WDR3: variants seen among roughly 807,000 people sequenced by gnomAD.
WDR3 encodes the protein WD repeat domain 3.
A neutral mutation model predicts 123.7 loss-of-function variants in WDR3; 81 were observed. The ratio of observed to expected loss-of-function variants is 0.65; its 90% CI spans 0.55 to 0.79. The LOEUF is 0.79. Among genes scored for constraint, WDR3 ranks in the 30% least tolerant of loss-of-function variants. The probability of loss-of-function intolerance (pLI) is 0.00; values close to 1 mark genes in which losing one functional copy is unlikely to be tolerated. For synonymous variants in WDR3, 390 were observed against 388.8 expected (o/e 1.00, Z -0.04); for missense variants, 1,027 against 1,123.2 (o/e 0.91, Z 1.22).
At chr1:117,959,052 G>C in intron 26 of WDR3, 49 bp downstream of exon 26, 1 of 1,561,306 alleles carries the variant, frequency 6.4e-7, no homozygotes, top group South Asian at 1.1e-5. Flanking sequence ...TTCCTAGTGT[G>C]ATTTAGAAAT....
chr1:117,954,023 AG>A lies in WDR3; in HGVS notation c.2287del (p.Ala763LeufsTer12). 6.2e-7 allele frequency: 1 copy of A among 1,611,698 alleles called. No individual in the cohort carries two copies. The highest frequency in any genetic ancestry group is 8.5e-7 in the Non-Finnish European group (1 of 1,178,606). ...CCTCTGTAGGCTGAGAGGATTATGG[AG>A]GCTATTGAGTTGTACCGAGAAGAAA... ...ETVKAAERIM[E>X]AIELYREETA... On this transcript the variant is annotated frameshift_variant, in exon 22 of 27. Coordinates refer to ENST00000349139, the MANE Select transcript of WDR3 (RefSeq NM_006784.3). LOFTEE classifies it high-confidence loss of function.
At chr1:117,954,342 A>G (rs933233358) in intron 22 of WDR3, among the ~76,000 whole-genome samples, 10 of 152,098 alleles carry the variant, frequency 6.6e-5, no homozygotes, top group East Asian at 3.8e-4. Context: ...CCCACGTTCT[A>G]TGTTGGTTTG....
intron 1 of WDR3, among the ~76,000 whole-genome samples, chr1:117,932,442 T>G (rs997705688): frequency 6.6e-6 from 1 of 152,222 alleles, no homozygotes; most frequent in African/African-American, 2.4e-5. Context: ...AGAGATGAGA[T>G]GGTGTTTTCT....
At position 117,964,202 on chromosome 1, in the gene WDR3, C is replaced by A; in HGVS notation, c.*4755C>A. 1 of 268,474 alleles carries A rather than the reference C, an allele frequency of 3.7e-6. No homozygotes were observed. The highest frequency in any genetic ancestry group is 7.1e-6 in the Non-Finnish European group (1 of 139,908). 16.6% of individuals were successfully genotyped at this position (268,474 alleles called of 1,614,324 possible). The stretch of plus-strand genomic sequence containing the variant: ...TTCTATAAGGAGCCATCAGTATGGT[C>A]AAGCCCCAAACCATATCTACATCAG... On this transcript the variant is annotated 3_prime_UTR_variant, in exon 27 of 27. Transcript: ENST00000349139.
intron 10 of WDR3, 114 bp downstream of exon 10, chr1:117,942,658 T>C: frequency 1.1e-6 from 1 of 876,126 alleles, no homozygotes; most frequent in Non-Finnish European, 1.8e-6. Flanking sequence ...GAGACGGTGG[T>C]CATGAGACAT....
chr1:117,953,035 T>G, intron 20 of WDR3, 39 bp downstream of exon 20: 1 of 1,594,854 alleles, frequency 6.3e-7, no homozygotes, highest in Non-Finnish European at 8.6e-7. Flanking sequence ...ATGCCCCATA[T>G]ATAGTTATCT....
Position 117,963,950 on chromosome 1 carries a change from G to T in WDR3, c.*4503G>T, listed in dbSNP as rs1653465545. 6.2e-7 allele frequency: 1 copy of T among 1,610,026 alleles called. No individual in the cohort carries two copies. The highest frequency in any genetic ancestry group is 8.5e-7 in the Non-Finnish European group (1 of 1,178,146). On this transcript the variant is annotated 3_prime_UTR_variant, in exon 27 of 27. Transcript: ENST00000349139. ...GCTTGTTAAAACAGGTAAAATACTT[G>T]TTAAGGGCTGTGCTTTTCATGACTA...
rs1354880434 is a variant in WDR3 at position 117,966,326 on chromosome 1, A to G, written c.*6879A>G. 1 of 253,462 alleles carries G rather than the reference A, an allele frequency of 3.9e-6. No individual in the cohort carries two copies. The highest frequency in any genetic ancestry group is 2.2e-5 in the African/African-American group (1 of 45,064). The allele number at this position is 253,462 out of a possible 1,614,324, so 15.7% of individuals were successfully genotyped here. On this transcript the variant is annotated 3_prime_UTR_variant, in exon 27 of 27. Coordinates refer to ENST00000349139, the MANE Select transcript of WDR3 (RefSeq NM_006784.3). ...TAAAATTATAATTTTTTTGTGATAG[A>G]TACTTGCTGTTTTATTATTCTGTCT...
At chr1:117,951,439 A>C (rs1387699251) in intron 16 of WDR3, among the ~76,000 whole-genome samples, 1 of 151,350 alleles carries the variant, frequency 6.6e-6, no homozygotes, top group Non-Finnish European at 1.5e-5. Context: ...TCTGTGTGAA[A>C]GGAGTTGACC....
intron 2 of WDR3, among the ~76,000 whole-genome samples, 190 bp from the exon 3 acceptor site, chr1:117,934,283 T>A (rs1281233696): frequency 6.6e-6 from 1 of 152,246 alleles, no homozygotes; most frequent in Admixed American, 6.5e-5. Context: ...CTTAAATGTT[T>A]CATTGCCTAG....
At chr1:117,945,735 A>G (rs1166575867) in intron 11 of WDR3, among the ~76,000 whole-genome samples, 2 of 152,200 alleles carry the variant, frequency 1.3e-5, no homozygotes, top group Admixed American at 6.5e-5. Context: ...TTGTGGTCCT[A>G]TAAAAAATGT....
At chr1:117,953,112 A>ATACCTGCAACT in intron 20 of WDR3, 116 bp downstream of exon 20, 1 of 1,175,686 alleles carries the variant, frequency 8.5e-7, no homozygotes, top group Non-Finnish European at 1.2e-6. Context: ...AGTTGCAGGT[A>ATACCTGCAACT]TCACCAGCTG....
At position 117,954,644 on chromosome 1, in the gene WDR3, A is replaced by G. The variant is rs1272955048; in HGVS notation, c.2409+17A>G. 2.5e-6 allele frequency: 4 copies of G among 1,610,230 alleles called. No homozygotes were observed. The highest frequency in any genetic ancestry group is 3.4e-6 in the Non-Finnish European group (4 of 1,178,234). Reference sequence around the variant, plus strand: ...AGTATCTCAGTGAGTAAAATGTCTAACGGTTTTCCTTTGTTTATTAAAAGG... The same window carrying G: ...AGTATCTCAGTGAGTAAAATGTCTAGCGGTTTTCCTTTGTTTATTAAAAGG... On this transcript the variant is annotated intron_variant, in intron 23 of 26. Transcript: ENST00000349139.
In WDR3 at chr1:117,953,409, AT is replaced by A. The variant is rs929389416; in HGVS notation, c.2203-65del. ...ATAGCTGTTCTCATATGGATGTAAG[AT>A]TAATTTATCAGCTCTTTAACTCAAC... On this transcript the variant is annotated intron_variant, in intron 20 of 26. Transcript: ENST00000349139. 2.7e-6 allele frequency: 4 copies of A among 1,484,984 alleles called. No individual in the cohort carries two copies. The African/African-American group carries it at 5.6e-5, about 21-fold the overall frequency. 92.0% of individuals were successfully genotyped at this position (1,484,984 alleles called of 1,614,324 possible).
At chr1:117,931,390 T>C (rs1650728707) in intron 1 of WDR3, among the ~76,000 whole-genome samples, 1 of 152,230 alleles carries the variant, frequency 6.6e-6, no homozygotes, top group African/African-American at 2.4e-5. Context: ...GCTGCTATAA[T>C]AATATTTTTT....
intron 25 of WDR3, among the ~76,000 whole-genome samples, chr1:117,957,792 A>G (rs1652438434): frequency 6.6e-6 from 1 of 152,186 alleles, no homozygotes; most frequent in Non-Finnish European, 1.5e-5. Flanking sequence ...AAAAGGATGG[A>G]CATTCCTGTT....
Position 117,943,598 on chromosome 1 carries a change from G to A in WDR3, c.1300G>A (p.Ala434Thr). ...SSDNIAVLSA[A>T]ADSIKIWNRS... is the part of the protein sequence containing the mutation. Reference sequence around the variant, plus strand: ...AGACAATATTGCTGTTCTTTCAGCTGCAGCTGATTCCATTAAAATATGGAA... The same window carrying A: ...AGACAATATTGCTGTTCTTTCAGCTACAGCTGATTCCATTAAAATATGGAA... The change falls in exon 11 of 27, where the codon GCA becomes ACA. Residue 434 changes from alanine to threonine, a missense_variant. By Grantham distance (58) the Ala-to-Thr change is moderately conservative. Transcript: ENST00000349139. 6.2e-7 allele frequency: 1 copy of A among 1,614,122 alleles called. No homozygotes were observed. The highest frequency in any genetic ancestry group is 8.5e-7 in the Non-Finnish European group (1 of 1,180,020).
chr1:117,931,027 A>C (rs951961242), intron 1 of WDR3, among the ~76,000 whole-genome samples: 3 of 152,198 alleles, frequency 2.0e-5, no homozygotes, highest in African/African-American at 7.2e-5. Flanking sequence ...AGCTCACTGC[A>C]ACCTCGAACT....
Position 117,941,777 on chromosome 1 carries a change from T to A in WDR3, c.919T>A (p.Cys307Ser). ...AACTGACTCTGTGCTAGAATTGTTT[T>A]GTATCCTTTCCAAAAAGGAAATTCA... ...HGTDSVLELF[C>S]ILSKKEIQKK... Residue 307 changes from cysteine to serine, a missense_variant, in exon 9 of 27, where the codon TGT becomes AGT. Cys to Ser is a moderately radical substitution (Grantham distance 112). Transcript: ENST00000349139. The A allele has an allele frequency of 6.2e-7, 1 of 1,611,696 alleles. No homozygotes were observed.
Sources: gnomAD v4.1 joint callset for allele counts (sites outside exome capture counted in the v4.1 genomes callset) on GRCh38, gnomAD v4.1.1 for gene constraint, MANE v1.5 for transcripts, NCBI Gene and HGNC (gene_info 2026-07-23, HGNC 2026-07-21) for gene names.